The following SHOX2 variants were observed in gnomAD, a reference collection of about 807,000 sequenced individuals.
SHOX2 encodes short stature homeobox protein 2.
A neutral mutation model predicts 31.3 loss-of-function variants in SHOX2; 13 were observed. That is an observed-to-expected ratio of 0.42 (90% CI 0.27 to 0.66). The LOEUF (loss-of-function observed/expected upper bound fraction) is 0.66, where lower values mean the gene tolerates loss of function less well. SHOX2 is among the 30% of genes least tolerant of loss of function. SHOX2 has a pLI of 0.27. For synonymous variants in SHOX2, 244 were observed against 196.2 expected (o/e 1.24, Z -2.04); for missense variants, 473 against 443.0 (o/e 1.07, Z -0.61).
intron 4 of SHOX2, among the ~76,000 whole-genome samples, chr3:158,099,581 T>G (rs1713357692): frequency 6.6e-6 from 1 of 152,176 alleles, no homozygotes; most frequent in African/African-American, 2.4e-5. Flanking sequence ...TTTTCCTTCC[T>G]CTCTCTCTAA....
rs759595175 is a variant in SHOX2 at position 158,098,232 on chromosome 3, A to C, written c.755T>G (p.Leu252Arg). 6.2e-7 allele frequency: 1 copy of C among 1,613,950 alleles called. No individual in the cohort carries two copies. ...CGCGTGCGCGGCCAGGTGCGGATGC[A>C]GGTGGTGGTGCGCGTGCGCCACAGC... Reference protein sequence around the residue: ...DSAVAHAHHHLHPHLAAHAPY... With the variant: ...DSAVAHAHHHRHPHLAAHAPY... Residue 252 changes from leucine to arginine, a missense_variant, in exon 5 of 5, where the codon CTG becomes CGG. Coordinates refer to ENST00000483851, the MANE Select transcript of SHOX2 (RefSeq NM_001163678.2).
intron 1 of SHOX2, chr3:158,104,969 G>A: frequency 1.3e-6 from 1 of 778,542 alleles, no homozygotes; most frequent in Non-Finnish European, 2.2e-6. Context: ...TAAGAGAACC[G>A]AGTACTGGGT....
At chr3:158,105,474 C>T (rs552318453) in intron 1 of SHOX2, among the ~76,000 whole-genome samples, 1 of 151,892 alleles carries the variant, frequency 6.6e-6, no homozygotes, top group African/African-American at 2.4e-5. Context: ...CACGCCACCC[C>T]CACAACACAC....
At chr3:158,104,972 T>C (rs1559898350) in intron 1 of SHOX2, 3 of 791,210 alleles carry the variant, frequency 3.8e-6, no homozygotes, top group Non-Finnish European at 6.4e-6. Flanking sequence ...GAGAACCGAG[T>C]ACTGGGTGAT....
chr3:158,105,710 G>T lies in SHOX2; in HGVS notation c.315C>A (p.Ser105Arg). The change falls in exon 1 of 5, where the codon AGC (serine) becomes AGA (arginine). Residue 105 changes from serine (S) to arginine (R), a missense_variant. Physicochemically the swap from Ser to Arg is moderately radical, Grantham distance 110. This residue lies in a region of SHOX2 where 276 missense variants were observed against 230.0 expected (regional missense o/e 1.20). Coordinates refer to ENST00000483851, the MANE Select transcript of SHOX2 (RefSeq NM_001163678.2). ...TCAGTCGCGGGCTGCCCGGCTCCCT[G>T]CTTCTCTCGGCGGCGCCCATGTCCA... ...RELDMGAAER[S>R]REPGSPRLTE... 6.6e-7 allele frequency: 1 copy of T among 1,521,980 alleles called. No homozygotes were observed. Among genetic ancestry groups the T allele is most frequent in the Non-Finnish European group, 8.8e-7 (1 of 1,136,452 alleles). 94.3% of individuals were successfully genotyped at this position (1,521,980 alleles called of 1,614,324 possible). A position where few individuals can be genotyped will look rare whatever the true frequency, so the allele number is the denominator to read the frequency against.
intron 2 of SHOX2, 100 bp downstream of exon 2, chr3:158,102,576 CAG>C: frequency 1.1e-6 from 1 of 904,986 alleles, no homozygotes; most frequent in Non-Finnish European, 1.8e-6. Context: ...CATCTTACAC[CAG>C]ACACTAGAAG....
intron 4 of SHOX2, among the ~76,000 whole-genome samples, 196 bp from the exon 5 acceptor site, chr3:158,098,480 A>G (rs2108121383): frequency 6.6e-6 from 1 of 152,238 alleles, no homozygotes; most frequent in Non-Finnish European, 1.5e-5. Flanking sequence ...TTCCACATGG[A>G]TACTCCAGTG....
At chr3:158,105,122 C>T (rs1475318535) in intron 1 of SHOX2, 1 of 1,508,090 alleles carries the variant, frequency 6.6e-7, no homozygotes, top group Admixed American at 2.0e-5. Flanking sequence ...TCGTTGGCTT[C>T]CTTCTACCTT....
At chr3:158,099,346 C>G (rs573589335) in intron 4 of SHOX2, among the ~76,000 whole-genome samples, 3 of 152,344 alleles carry the variant, frequency 2.0e-5, no homozygotes, top group East Asian at 3.9e-4. Context: ...CAAGACTTCT[C>G]TCTTTACCAG....
At chr3:158,105,094 T>G (rs1713799296) in intron 1 of SHOX2, 1 of 1,344,134 alleles carries the variant, frequency 7.4e-7, no homozygotes, top group East Asian at 4.3e-5. Flanking sequence ...AGAAGCAGCG[T>G]AGCCTGGACC....
At position 158,106,224 on chromosome 3, in the gene SHOX2, A is replaced by C; in HGVS notation, c.-200T>G. The C allele has an allele frequency of 2.5e-6, 2 of 787,436 alleles. No homozygotes were observed. The highest frequency in any genetic ancestry group is 1.9e-6 in the Non-Finnish European group (1 of 528,400). The allele number at this position is 787,436 out of a possible 1,614,324, so 48.8% of individuals were successfully genotyped here. A position where few individuals can be genotyped will look rare whatever the true frequency, so the allele number is the denominator to read the frequency against. On this transcript the variant is annotated 5_prime_UTR_variant, in exon 1 of 5. Transcript: ENST00000483851. ...AGAGGAGGAGAAGTAGAAGGAGAAA[A>C]AGAAGTAAGAAGAGGAGGAGGAGGA...
intron 1 of SHOX2, chr3:158,105,325 TG>T (rs1713819757): frequency 1.7e-6 from 1 of 585,812 alleles, no homozygotes; most frequent in Non-Finnish European, 3.0e-6. Context: ...CACCCCCTCC[TG>T]CAGCCCGGCC....
At chr3:158,100,209 T>C (rs1483650685) in intron 3 of SHOX2, 45 bp downstream of exon 3, 3 of 1,432,338 alleles carry the variant, frequency 2.1e-6, no homozygotes, top group African/African-American at 1.4e-5. Flanking sequence ...TCACTACTTC[T>C]CTCTTTGCTC....
Position 158,098,055 on chromosome 3 carries a change from T to C in SHOX2, c.932A>G (p.Lys311Arg). 2 of 1,608,554 alleles carry C rather than the reference T, an allele frequency of 1.2e-6. No individual in the cohort carries two copies. Among genetic ancestry groups the C allele is most frequent in the African/African-American group, 1.3e-5 (1 of 74,908 alleles). Residue 311 changes from lysine (K) to arginine (R), a missense_variant, in exon 5 of 5, where the codon AAA (lysine) becomes AGA (arginine). Coordinates refer to ENST00000483851, the MANE Select transcript of SHOX2 (RefSeq NM_001163678.2). ...SSIADLRLKA[K>R]KHAAALGL ...CAGACCCAGGGCTGCGGCGTGCTTT[T>C]TGGCTTTCAGTCTGAGATCGGCGAT...
intron 3 of SHOX2, 144 bp from the exon 4 acceptor site, chr3:158,100,092 C>T (rs1469928383): frequency 4.4e-6 from 4 of 912,132 alleles, no homozygotes; most frequent in Admixed American, 2.6e-5. Flanking sequence ...ATAAATGTAA[C>T]TTACTCCCAA....
At chr3:158,103,346 C>T in intron 1 of SHOX2, 1 of 227,682 alleles carries the variant, frequency 4.4e-6, no homozygotes, top group South Asian at 5.9e-5. Context: ...CTCACACCGG[C>T]CATTCCCAGA....
Position 158,105,677 on chromosome 3 carries a change from AC to A in SHOX2, c.346+1del. 6.6e-7 allele frequency: 1 copy of A among 1,516,930 alleles called. No homozygotes were observed. Among genetic ancestry groups the A allele is most frequent in the East Asian group, 2.8e-5 (1 of 36,054 alleles). The allele number at this position is 1,516,930 out of a possible 1,614,324, so 94.0% of individuals were successfully genotyped here. ...GCTGCCGGGGGTCAGTCAGGTCGTT[AC>A]CCTCCGTCAGTCGCGGGCTGCCCGG... On this transcript the variant is annotated splice_donor_variant, in intron 1 of 4. Transcript: ENST00000483851. LOFTEE classifies it high-confidence loss of function.
chr3:158,098,834 G>A (rs377346306), intron 4 of SHOX2, among the ~76,000 whole-genome samples: 1 of 152,106 alleles, frequency 6.6e-6, no homozygotes, highest in African/African-American at 2.4e-5. Flanking sequence ...ATTCTGATTC[G>A]CAAGGTCTAG....
Position 158,105,758 on chromosome 3 carries a change from T to C in SHOX2, c.267A>G (p.Gly89=). 1 of 1,519,094 alleles carries C rather than the reference T, an allele frequency of 6.6e-7. No homozygotes were observed. The allele number at this position is 1,519,094 out of a possible 1,614,324, so 94.1% of individuals were successfully genotyped here. The change falls in exon 1 of 5, where the codon GGA becomes GGG. Residue 89 remains glycine (G), a synonymous_variant. Transcript: ENST00000483851. Reference sequence around the variant, plus strand: ...CCAGCTCCCGGACGGGAGAGCGCCCTCCTCCAGCTCCTCCGCCTGCTCCTC... The same window carrying C: ...CCAGCTCCCGGACGGGAGAGCGCCCCCCTCCAGCTCCTCCGCCTGCTCCTC... ...GGGGAGGGAG[G]GRSPVRELDM...
Sources: gnomAD v4.1 joint callset for allele counts (sites outside exome capture counted in the v4.1 genomes callset) on GRCh38, gnomAD v4.1.1 for gene constraint, gnomAD v4.1.1 regional missense constraint, MANE v1.5 for transcripts, NCBI Gene and HGNC (gene_info 2026-07-23, HGNC 2026-07-21) for gene names.